Variants in CDC42EP3 observed in about 807,000 individuals in gnomAD.
The protein encoded by CDC42EP3 is CDC42 effector protein 3, also known as CDC42 effector protein (Rho GTPase binding) 3.
CDC42EP3 carries 4 observed loss-of-function variants against 15.5 expected under a neutral mutation model. The ratio of observed to expected loss-of-function variants is 0.26; its 90% CI spans 0.13 to 0.59. The LOEUF (loss-of-function observed/expected upper bound fraction) is 0.59, where lower values mean the gene tolerates loss of function less well. CDC42EP3 is among the 20% of genes least tolerant of loss of function. The pLI, the probability that CDC42EP3 is intolerant of heterozygous loss-of-function variation, is 0.89. For synonymous variants in CDC42EP3, 145 were observed against 130.3 expected (o/e 1.11, Z -0.77); for missense variants, 309 against 311.2 (o/e 0.99, Z 0.05).
intron 1 of CDC42EP3, among the ~76,000 whole-genome samples, chr2:37,655,583 TC>T (rs75700128): frequency 0.12 from 17,586 of 152,110 alleles, 1,160 homozygotes; most frequent in Middle Eastern, 0.17. Context: ...GGAGGGCAAG[TC>T]CTCTCATGCC....
Position 37,648,290 on chromosome 2 carries a change from C to A in CDC42EP3, c.-235-1468G>T, listed in dbSNP as rs563512833. On this transcript the variant is annotated intron_variant, in intron 1 of 1. Transcript: ENST00000295324. The stretch of plus-strand genomic sequence containing the variant: ...GGCGCTCCTCCCACTGGCTGCAGAG[C>A]CTGCAAATAAATACTCCAAGGGCTG... Among the ~76,000 whole-genome samples the A allele has an allele frequency of 2.8e-4, 42 of 152,368 alleles. 1 individual carries two copies. The South Asian group carries it at 7.7e-3, about 28-fold the overall frequency.
chr2:37,654,679 G>C (rs72879488), intron 1 of CDC42EP3, among the ~76,000 whole-genome samples: 3,496 of 152,224 alleles, frequency 0.023, 99 homozygotes, highest in African/African-American at 0.065. Context: ...ATGGGAACAC[G>C]ATCACTGCCA....
At chr2:37,656,979 G>GCC (rs796652094) in intron 1 of CDC42EP3, among the ~76,000 whole-genome samples, 58 of 79,782 alleles carry the variant, frequency 7.3e-4, no homozygotes, top group African/African-American at 9.6e-4. Context: ...AAGTAACAAA[G>GCC]CCCCCCCCCC....
chr2:37,672,708 A>C (rs769114292), upstream of CDC42EP3, among the ~76,000 whole-genome samples: 21 of 152,158 alleles, frequency 1.4e-4, no homozygotes, highest in Non-Finnish European at 2.8e-4. Flanking sequence ...CCCAGCCCGC[A>C]TGGTCAGCCA....
At chr2:37,656,187 T>A (rs757577312) in intron 1 of CDC42EP3, among the ~76,000 whole-genome samples, 2 of 152,242 alleles carry the variant, frequency 1.3e-5, no homozygotes, top group South Asian at 4.1e-4. Flanking sequence ...ACTGGCTATA[T>A]GTGGAATCTG....
At chr2:37,668,086 C>T (rs1666300394) in intron 1 of CDC42EP3, among the ~76,000 whole-genome samples, 1 of 152,130 alleles carries the variant, frequency 6.6e-6, no homozygotes, top group Non-Finnish European at 1.5e-5. Flanking sequence ...AAAGTAGGCA[C>T]AGTAAGAGAT....
intron 1 of CDC42EP3, among the ~76,000 whole-genome samples, chr2:37,662,047 T>G (rs1040273865): frequency 6.6e-6 from 1 of 151,902 alleles, no homozygotes; most frequent in African/African-American, 2.4e-5. Context: ...TGATTCTATT[T>G]GCAGAAACAT....
intron 1 of CDC42EP3, among the ~76,000 whole-genome samples, chr2:37,668,980 A>G (rs1666323846): frequency 6.6e-6 from 1 of 152,216 alleles, no homozygotes; most frequent in African/African-American, 2.4e-5. Flanking sequence ...TGGCAAACAT[A>G]CTGCATTTAA....
chr2:37,646,598 G>A lies in CDC42EP3; in HGVS notation c.-11C>T, dbSNP rs1665489292. On this transcript the variant is annotated 5_prime_UTR_variant, in exon 2 of 2. Coordinates refer to ENST00000295324, the MANE Select transcript of CDC42EP3 (RefSeq NM_006449.5). ...GGTCTTGGCTGGCATTTTGGAATTTGAGAATGTCTATTTTGCAAGCGGGAG... is the reference window on the plus strand; with the variant it reads ...GGTCTTGGCTGGCATTTTGGAATTTAAGAATGTCTATTTTGCAAGCGGGAG... The A allele has an allele frequency of 6.5e-7, 1 of 1,526,870 alleles. No homozygotes were observed. The highest frequency in any genetic ancestry group is 8.8e-7 in the Non-Finnish European group (1 of 1,141,520). 94.6% of individuals were successfully genotyped at this position (1,526,870 alleles called of 1,614,324 possible). A position where few individuals can be genotyped will look rare whatever the true frequency, so the allele number is the denominator to read the frequency against.
Position 37,643,244 on chromosome 2 carries a change from G to T in CDC42EP3, c.*2579C>A, listed in dbSNP as rs1394276223. On this transcript the variant is annotated 3_prime_UTR_variant, in exon 2 of 2. Transcript: ENST00000295324. ...TCAATTCAGCTCACAGCAGGTATGGGTCTAAAGTGCCTCTCTGCAGGAAAG... is the reference window on the plus strand; with the variant it reads ...TCAATTCAGCTCACAGCAGGTATGGTTCTAAAGTGCCTCTCTGCAGGAAAG... 1 of 152,204 alleles carries T rather than the reference G, an allele frequency of 6.6e-6. No individual in the cohort carries two copies. Among genetic ancestry groups the T allele is most frequent in the Non-Finnish European group, 1.5e-5 (1 of 68,048 alleles). The allele number at this position is 152,204 out of a possible 1,614,324, so 9.4% of individuals were successfully genotyped here.
At chr2:37,649,999 A>T (rs979522024) in intron 1 of CDC42EP3, among the ~76,000 whole-genome samples, 1 of 152,174 alleles carries the variant, frequency 6.6e-6, no homozygotes, top group African/African-American at 2.4e-5. Flanking sequence ...AGAAAAAAAT[A>T]ATTTGAATTG....
At position 37,644,592 on chromosome 2, in the gene CDC42EP3, G is replaced by C. The variant is rs1485623017; in HGVS notation, c.*1231C>G. 1 of 150,166 alleles carries C rather than the reference G, an allele frequency of 6.7e-6. No homozygotes were observed. The highest frequency in any genetic ancestry group is 1.5e-5 in the Non-Finnish European group (1 of 67,784). 9.3% of individuals were successfully genotyped at this position (150,166 alleles called of 1,614,324 possible). A position where few individuals can be genotyped will look rare whatever the true frequency, so the allele number is the denominator to read the frequency against. On this transcript the variant is annotated 3_prime_UTR_variant, in exon 2 of 2. Transcript: ENST00000295324. ...TCAAGTCAGGAAGATGCTCAGAAAT[G>C]ACCACTGAGAGGGTGGCATCAGTGC... is the stretch of plus-strand genomic sequence containing the variant.
At chr2:37,672,354 C>G (rs969314836), upstream of CDC42EP3, 1 of 152,266 alleles carries the variant, frequency 6.6e-6, no homozygotes, top group African/African-American at 2.4e-5. Flanking sequence ...TTCTCCTACC[C>G]AGAGGGAGGC....
chr2:37,658,403 T>G (rs189451881), intron 1 of CDC42EP3, among the ~76,000 whole-genome samples: 50 of 152,326 alleles, frequency 3.3e-4, no homozygotes, highest in African/African-American at 1.2e-3. Flanking sequence ...ATATTCCTTG[T>G]GCACAGTAGT....
At chr2:37,667,793 C>A (rs1241334281) in intron 1 of CDC42EP3, among the ~76,000 whole-genome samples, 1 of 152,234 alleles carries the variant, frequency 6.6e-6, no homozygotes, top group Non-Finnish European at 1.5e-5. Flanking sequence ...AACTTCTCTG[C>A]CCCTCCTCCC....
Position 37,646,381 on chromosome 2 carries a change from G to A in CDC42EP3, c.207C>T (p.Asn69=). Residue 69 remains asparagine (N), a synonymous_variant, in exon 2 of 2, where the codon AAC becomes AAT. Coordinates refer to ENST00000295324, the MANE Select transcript of CDC42EP3 (RefSeq NM_006449.5). Reference sequence around the variant, plus strand: ...ACTGGCCCAGGTGTGCTTTCTCCTGGTTTCCAGGTAAAAGCTCGTAGTTCC... The same window carrying A: ...ACTGGCCCAGGTGTGCTTTCTCCTGATTTCCAGGTAAAAGCTCGTAGTTCC... ...LQGNYELLPG[N]QEKAHLGQFP... The A allele has an allele frequency of 6.2e-7, 1 of 1,613,976 alleles. No homozygotes were observed. Among genetic ancestry groups the A allele is most frequent in the Non-Finnish European group, 8.5e-7 (1 of 1,179,956 alleles).
At chr2:37,650,087 T>C (rs915038329) in intron 1 of CDC42EP3, among the ~76,000 whole-genome samples, 4 of 152,184 alleles carry the variant, frequency 2.6e-5, no homozygotes, top group African/African-American at 9.7e-5. Context: ...GTTTTACAAC[T>C]CTAGGTAAGT....
Position 37,643,771 on chromosome 2 carries a change from T to A in CDC42EP3, c.*2052A>T, listed in dbSNP as rs944416603. 1.4e-4 allele frequency: 22 copies of A among 152,210 alleles called. No homozygotes were observed. The highest frequency in any genetic ancestry group is 5.1e-4 in the African/African-American group (21 of 41,444). The allele number at this position is 152,210 out of a possible 1,614,324, so 9.4% of individuals were successfully genotyped here. A position where few individuals can be genotyped will look rare whatever the true frequency, so the allele number is the denominator to read the frequency against. ...TTGGACTCTTCGTCATTAACAAGAT[T>A]TAGAATAGGCTGGGAAATTTCTCTT... On this transcript the variant is annotated 3_prime_UTR_variant, in exon 2 of 2. Coordinates refer to ENST00000295324, the MANE Select transcript of CDC42EP3 (RefSeq NM_006449.5).
At chr2:37,666,333 G>A (rs1026511701) in intron 1 of CDC42EP3, among the ~76,000 whole-genome samples, 1 of 152,212 alleles carries the variant, frequency 6.6e-6, no homozygotes, top group Non-Finnish European at 1.5e-5. Flanking sequence ...AAGTCCTGCA[G>A]AAAGGGACCT....
Sources: gnomAD v4.1 joint callset for allele counts (sites outside exome capture counted in the v4.1 genomes callset) on GRCh38, gnomAD v4.1.1 for gene constraint, MANE v1.5 for transcripts, NCBI Gene and HGNC (gene_info 2026-07-23, HGNC 2026-07-21) for gene names.